The following NXT1 variants were observed in gnomAD, a reference collection of about 807,000 sequenced individuals.
NXT1 encodes the protein NTF2-related export protein 1.
In NXT1, 3 loss-of-function variants were observed where a neutral mutation model predicts 9.9. The observed-to-expected ratio is 0.30, with a 90% CI of 0.14 to 0.79. The LOEUF (loss-of-function observed/expected upper bound fraction) is 0.79. Among genes scored for constraint, NXT1 ranks in the 30% least tolerant of loss-of-function variants. The pLI, the probability that NXT1 is intolerant of heterozygous loss-of-function variation, is 0.63. For missense variants in NXT1, 91 were observed against 178.2 expected (o/e 0.51, Z 2.79); for synonymous variants, 53 against 66.5 (o/e 0.80, Z 0.99).
chr20:23,351,249 C>T (rs569417144), intron 1 of NXT1, 188 bp downstream of exon 1: 1 of 152,480 alleles, frequency 6.6e-6, no homozygotes, highest in African/African-American at 2.4e-5. Context: ...GGAGGCGCGT[C>T]CCCTCACAGC....
At chr20:23,351,745 C>A (rs1362991779) in intron 1 of NXT1, among the ~76,000 whole-genome samples, 1 of 152,204 alleles carries the variant, frequency 6.6e-6, no homozygotes, top group African/African-American at 2.4e-5. Flanking sequence ...GACTTGCTTA[C>A]GCGAGTACAA....
chr20:23,352,486 TTTTA>T (rs1980297299), intron 1 of NXT1, among the ~76,000 whole-genome samples: 1 of 152,154 alleles, frequency 6.6e-6, no homozygotes, highest in Non-Finnish European at 1.5e-5. Context: ...ATGTGGAATG[TTTTA>T]TTTATTTCAT....
At chr20:23,352,955 T>G (rs972713715) in intron 1 of NXT1, among the ~76,000 whole-genome samples, 1 of 152,218 alleles carries the variant, frequency 6.6e-6, no homozygotes. Flanking sequence ...TCTGTCCTCA[T>G]GTCATTTGTG....
At chr20:23,353,555 T>G (rs6048750) in intron 1 of NXT1, among the ~76,000 whole-genome samples, 86,302 of 152,066 alleles carry the variant, frequency 0.57, 26,309 homozygotes, top group East Asian at 0.88. Flanking sequence ...GGGAGGCAGG[T>G]GTTGCAGTGA....
chr20:23,352,069 T>A (rs1431840152), intron 1 of NXT1, among the ~76,000 whole-genome samples: 3 of 152,334 alleles, frequency 2.0e-5, no homozygotes, highest in East Asian at 1.9e-4. Context: ...GCTTTTTTTT[T>A]CTTGTCATTA....
chr20:23,354,136 G>A lies in NXT1; in HGVS notation c.95G>A (p.Arg32Gln). ...TACTACACCACCATGGATAAGCGGC[G>A]GCGTTTGCTGTCCCGCCTGTACATG... Reference protein sequence around the residue: ...NVYYTTMDKRRRLLSRLYMGT... With the variant: ...NVYYTTMDKRQRLLSRLYMGT... Residue 32 changes from arginine to glutamine, a missense_variant, in exon 2 of 2, where the codon CGG becomes CAG. Transcript: ENST00000254998. 1.2e-6 allele frequency: 2 copies of A among 1,614,138 alleles called. No homozygotes were observed. The highest frequency in any genetic ancestry group is 1.1e-5 in the South Asian group (1 of 91,086).
In NXT1 at chr20:23,353,982, C is replaced by T. The variant is rs542172013; in HGVS notation, c.-60C>T. ...CTCTTCAACCTTACTTCCCTGCAGC[C>T]CCTGGTTCCCCAAGGCAGAGGAAAT... On this transcript the variant is annotated splice_region_variant and 5_prime_UTR_variant, in exon 2 of 2. Coordinates refer to ENST00000254998, the MANE Select transcript of NXT1 (RefSeq NM_013248.3). The T allele has an allele frequency of 7.8e-6, 12 of 1,535,914 alleles. No individual in the cohort carries two copies. The highest frequency in any genetic ancestry group is 5.5e-5 in the African/African-American group (4 of 73,208).
In NXT1 at chr20:23,354,409, A is replaced by G; in HGVS notation, c.368A>G (p.Asn123Ser). ...CTGACCGCCCAGGCCTCACCCAGCA[A>G]CACAGTGTGGAAGATCGCAAGTGAC... ...FILTAQASPS[N>S]TVWKIASDCF... Residue 123 changes from asparagine to serine, a missense_variant, in exon 2 of 2, where the codon AAC (asparagine) becomes AGC (serine). Physicochemically the swap from Asn to Ser is conservative, Grantham distance 46. Coordinates refer to ENST00000254998, the MANE Select transcript of NXT1 (RefSeq NM_013248.3). 1 of 1,614,146 alleles carries G rather than the reference A, an allele frequency of 6.2e-7. No individual in the cohort carries two copies. Among genetic ancestry groups the G allele is most frequent in the South Asian group, 1.1e-5 (1 of 91,080 alleles).
At position 23,354,020 on chromosome 20, in the gene NXT1, C is replaced by A; in HGVS notation, c.-22C>A. On this transcript the variant is annotated 5_prime_UTR_variant, in exon 2 of 2. Transcript: ENST00000254998. ...AGGCAGAGGAAATACCCTGGTGGAG[C>A]CCTCCTTCCATAGAACCAGAGATGG... The A allele has an allele frequency of 6.2e-7, 1 of 1,601,522 alleles. No individual in the cohort carries two copies. The highest frequency in any genetic ancestry group is 8.5e-7 in the Non-Finnish European group (1 of 1,170,946).
chr20:23,352,738 A>G (rs1980308089), intron 1 of NXT1, among the ~76,000 whole-genome samples: 1 of 152,102 alleles, frequency 6.6e-6, no homozygotes, highest in Admixed American at 6.6e-5. Context: ...ACAATGTGAC[A>G]TTTCAGCTAT....
Position 23,353,828 on chromosome 20 carries a change from A to C in NXT1, c.-61-153A>C, listed in dbSNP as rs888082521. 2.6e-5 allele frequency among the ~76,000 whole-genome samples: 4 copies of C among 152,298 alleles called. No individual in the cohort carries two copies. In the South Asian group the frequency reaches 8.3e-4, roughly 32 times the overall value. On this transcript the variant is annotated intron_variant, in intron 1 of 1. Coordinates refer to ENST00000254998, the MANE Select transcript of NXT1 (RefSeq NM_013248.3). ...AAACTGAGTCTTAGTAAAATTAGGC[A>C]TTTTTAGGCATTGGGTACTATTTGA...
At chr20:23,353,646 C>A (rs1980331517) in intron 1 of NXT1, among the ~76,000 whole-genome samples, 1 of 152,116 alleles carries the variant, frequency 6.6e-6, no homozygotes, top group Admixed American at 6.6e-5. Flanking sequence ...CACAGTCAGC[C>A]CAACGTATTT....
In NXT1 at chr20:23,354,623, A is replaced by G. The variant is rs1301599030; in HGVS notation, c.*159A>G. ...AGGTTGAACTCTTTTTTGTTGCTCA[A>G]GTTCTAGGAGTCCCTTTCCTGAATA... is the stretch of plus-strand genomic sequence containing the variant. On this transcript the variant is annotated 3_prime_UTR_variant, in exon 2 of 2. Transcript: ENST00000254998. 4.1e-6 allele frequency: 3 copies of G among 732,340 alleles called. No individual in the cohort carries two copies. Among genetic ancestry groups the G allele is most frequent in the Non-Finnish European group, 6.7e-6 (3 of 449,014 alleles). The allele number at this position is 732,340 out of a possible 1,614,324, so 45.4% of individuals were successfully genotyped here. A position where few individuals can be genotyped will look rare whatever the true frequency, so the allele number is the denominator to read the frequency against.
At chr20:23,352,504 C>T (rs1980297978) in intron 1 of NXT1, among the ~76,000 whole-genome samples, 1 of 150,106 alleles carries the variant, frequency 6.7e-6, no homozygotes. Flanking sequence ...ATTTCATAAG[C>T]TAATCATTAT....
rs1243403701 is a variant in NXT1 at position 23,354,024 on chromosome 20, C to G, written c.-18C>G. ...AGAGGAAATACCCTGGTGGAGCCCT[C>G]CTTCCATAGAACCAGAGATGGCATC... is the stretch of plus-strand genomic sequence containing the variant. On this transcript the variant is annotated 5_prime_UTR_variant, in exon 2 of 2. Coordinates refer to ENST00000254998, the MANE Select transcript of NXT1 (RefSeq NM_013248.3). The G allele has an allele frequency of 1.2e-6, 2 of 1,603,912 alleles. No homozygotes were observed. The highest frequency in any genetic ancestry group is 2.2e-5 in the East Asian group (1 of 44,644).
At chr20:23,353,942 G>A (rs1980338543) in intron 1 of NXT1, 39 bp from the exon 2 acceptor site, 2 of 1,134,916 alleles carry the variant, frequency 1.8e-6, no homozygotes, top group African/African-American at 3.1e-5. Context: ...ATGAACTTTG[G>A]CATTCACGTG....
In NXT1 at chr20:23,354,497, G is replaced by C. The variant is rs779127656; in HGVS notation, c.*33G>C. On this transcript the variant is annotated 3_prime_UTR_variant, in exon 2 of 2. Transcript: ENST00000254998. ...GGCAGAGGTCTCTTTGCTTCATTCA[G>C]CCCTAGCTCTGTAGAGAAATGCAAA... 6.3e-7 allele frequency: 1 copy of C among 1,586,374 alleles called. No homozygotes were observed. The highest frequency in any genetic ancestry group is 8.6e-7 in the Non-Finnish European group (1 of 1,166,308).
At chr20:23,353,843 G>T (rs1006494737) in intron 1 of NXT1, 138 bp from the exon 2 acceptor site, 19 of 603,330 alleles carry the variant, frequency 3.1e-5, no homozygotes, top group Non-Finnish European at 5.2e-5. Flanking sequence ...TAGGCATTGG[G>T]TACTATTTGA....
Position 23,352,730 on chromosome 20 carries a change from A to G in NXT1, c.-61-1251A>G, listed in dbSNP as rs115429117. On this transcript the variant is annotated intron_variant, in intron 1 of 1. Transcript: ENST00000254998. ...TTTTGGACTTTTTTATTTGGGGGAC[A>G]ATGTGACATTTCAGCTATAGTTCAT... 7.5e-3 allele frequency among the ~76,000 whole-genome samples: 1,147 copies of G among 152,304 alleles called. 20 individuals carry two copies. The highest frequency in any genetic ancestry group is 0.026 in the African/African-American group (1,074 of 41,564).
Sources: allele counts gnomAD v4.1 joint callset (sites outside exome capture counted in the v4.1 genomes callset), GRCh38; gene constraint gnomAD v4.1.1; transcripts MANE v1.5; gene names NCBI Gene and HGNC (gene_info 2026-07-23, HGNC 2026-07-21).